Variants in UCP3 observed in about 807,000 individuals in gnomAD.
UCP3 encodes uncoupling protein 3.
Under a neutral mutation model 28.1 loss-of-function variants are expected in UCP3, and 24 were observed. That is an observed-to-expected ratio of 0.85 (90% CI 0.62 to 1.20). The LOEUF (loss-of-function observed/expected upper bound fraction) is 1.20, where lower values mean the gene tolerates loss of function less well. Among genes scored for constraint, UCP3 ranks in the 50% most tolerant of loss-of-function variants. The pLI, the probability that UCP3 is intolerant of heterozygous loss-of-function variation, is 0.00. For missense variants in UCP3, 397 were observed against 422.2 expected (o/e 0.94, Z 0.52); for synonymous variants, 184 against 171.2 (o/e 1.07, Z -0.59).
intron 6 of UCP3, chr11:74,003,562 C>T: frequency 8.4e-6 from 10 of 1,191,486 alleles, no homozygotes; most frequent in Non-Finnish European, 1.0e-5. Context: ...CAGGAGGTCT[C>T]AGGATTGCTA....
At chr11:74,008,379 T>C (rs1951682168) in intron 1 of UCP3, among the ~76,000 whole-genome samples, 1 of 152,082 alleles carries the variant, frequency 6.6e-6, no homozygotes, top group African/African-American at 2.4e-5. Context: ...CTGTGGTAGC[T>C]CTGAAGCAGG....
In UCP3 at chr11:74,000,496, A is replaced by C. The variant is rs1281712780; in HGVS notation, c.*916T>G. 1 of 152,152 alleles carries C rather than the reference A, an allele frequency of 6.6e-6. No individual in the cohort carries two copies. The allele number at this position is 152,152 out of a possible 1,614,324, so 9.4% of individuals were successfully genotyped here. A position where few individuals can be genotyped will look rare whatever the true frequency, so the allele number is the denominator to read the frequency against. On this transcript the variant is annotated 3_prime_UTR_variant, in exon 7 of 7. Transcript: ENST00000314032. ...GGGCTCCTGTGGCTTCACGTCATCC[A>C]CTGTCACCTCTGGTCCCCAAGTCTC... is the stretch of plus-strand genomic sequence containing the variant.
At chr11:74,003,718 A>G (rs1174788993) in intron 6 of UCP3, 109 bp downstream of exon 6, 1 of 1,499,660 alleles carries the variant, frequency 6.7e-7, no homozygotes, top group African/African-American at 1.4e-5. Context: ...TGGCATTTAC[A>G]TCTGTACTCT....
chr11:74,001,939 G>C (rs919609841), intron 6 of UCP3: 1 of 270,788 alleles, frequency 3.7e-6, no homozygotes, highest in Non-Finnish European at 7.2e-6. Flanking sequence ...TACACCCCGG[G>C]TGGCCAGCCC....
intron 6 of UCP3, among the ~76,000 whole-genome samples, chr11:74,002,587 A>G (rs965136626): frequency 6.6e-6 from 1 of 152,192 alleles, no homozygotes; most frequent in African/African-American, 2.4e-5. Flanking sequence ...AGGGCCCAGC[A>G]TCAATACATG....
At chr11:74,007,789 G>A (rs1417383742) in intron 1 of UCP3, among the ~76,000 whole-genome samples, 2 of 152,180 alleles carry the variant, frequency 1.3e-5, no homozygotes, top group Admixed American at 6.5e-5. Flanking sequence ...AGCTGCGGGA[G>A]GAGGGAAAGC....
intron 3 of UCP3, 89 bp from the exon 4 acceptor site, chr11:74,006,022 C>T (rs1951662528): frequency 6.4e-7 from 1 of 1,567,480 alleles, no homozygotes; most frequent in Admixed American, 1.9e-5. Context: ...CCTGCAGCTT[C>T]CTTGATGTCC....
chr11:74,002,406 A>G (rs1951628664), intron 6 of UCP3, among the ~76,000 whole-genome samples: 1 of 152,192 alleles, frequency 6.6e-6, no homozygotes, highest in Admixed American at 6.5e-5. Context: ...CTGGAGTCAG[A>G]CCTGGGTTCA....
At chr11:74,004,142 G>A in intron 5 of UCP3, 135 bp from the exon 6 acceptor site, 1 of 1,455,522 alleles carries the variant, frequency 6.9e-7, no homozygotes, top group Non-Finnish European at 9.3e-7. Context: ...CAGTGCCCTG[G>A]GCTAAGCTCT....
chr11:74,006,177 C>G lies in UCP3; in HGVS notation c.329G>C (p.Gly110Ala), dbSNP rs753470382. The G allele has an allele frequency of 7.4e-6, 12 of 1,614,162 alleles. No individual in the cohort carries two copies. Among genetic ancestry groups the G allele is most frequent in the Non-Finnish European group, 1.0e-5 (12 of 1,180,038 alleles). The change falls in exon 3 of 7, where the codon GGC (glycine) becomes GCC (alanine). Residue 110 changes from glycine (G) to alanine (A), a missense_variant. Transcript: ENST00000314032. ...DSVKQVYTPK[G>A]ADNSSLTTRI... ...GGGACCTGGTCACTCACTGTCCGCG[C>G]CTTTGGGGGTGTACACCTGCTTGAC...
chr11:74,005,779 G>A lies in UCP3; in HGVS notation c.492C>T (p.Asp164=), dbSNP rs374602264. 1.6e-5 allele frequency: 26 copies of A among 1,614,046 alleles called. No homozygotes were observed. Among genetic ancestry groups the A allele is most frequent in the Admixed American group, 1.7e-5 (1 of 60,010 alleles). Residue 164 remains aspartate, a synonymous_variant, in exon 4 of 7, where the codon GAC becomes GAT. Transcript: ENST00000314032. ...RSDRKYSGTM[D]AYRTIAREEG... is the part of the protein sequence containing the mutation. Reference sequence around the variant, plus strand: ...CCTCCCTGGCGATGGTTCTGTAGGCGTCCATAGTCCCGCTGTATTTTCTGT... The same window carrying A: ...CCTCCCTGGCGATGGTTCTGTAGGCATCCATAGTCCCGCTGTATTTTCTGT...
Position 74,003,883 on chromosome 11 carries a change from G to T in UCP3, c.768C>A (p.Pro256=). Residue 256 remains proline (P), a synonymous_variant, in exon 6 of 7, where the codon CCC becomes CCA. Coordinates refer to ENST00000314032, the MANE Select transcript of UCP3 (RefSeq NM_003356.4). ...MNSPPGQYFS[P]LDCMIKMVAQ... is the part of the protein sequence containing the mutation. ...CCACCATCTTTATCATACAGTCGAG[G>T]GGGCTGAAGTACTGGCCTGGAGGTG... 6.2e-7 allele frequency: 1 copy of T among 1,614,148 alleles called. No homozygotes were observed. The highest frequency in any genetic ancestry group is 1.1e-5 in the South Asian group (1 of 91,082).
intron 6 of UCP3, chr11:74,001,806 C>G: frequency 2.4e-6 from 1 of 409,222 alleles, no homozygotes; most frequent in Non-Finnish European, 4.5e-6. Flanking sequence ...CATGTTGCTG[C>G]CAGGCTCTTT....
intron 6 of UCP3, chr11:74,003,555 G>C: frequency 8.5e-7 from 1 of 1,172,546 alleles, no homozygotes; most frequent in Non-Finnish European, 1.1e-6. Context: ...GGAGGTCCAG[G>C]AGGTCTCAGG....
chr11:74,005,617 G>C, intron 4 of UCP3, 113 bp downstream of exon 4: 1 of 1,212,400 alleles, frequency 8.2e-7, no homozygotes, highest in Non-Finnish European at 1.2e-6. Context: ...TGTTCTTTCA[G>C]AATCACTGGA....
intron 5 of UCP3, 103 bp downstream of exon 5, chr11:74,004,381 C>T (rs997294569): frequency 9.4e-7 from 1 of 1,061,352 alleles, no homozygotes; most frequent in Non-Finnish European, 1.4e-6. Flanking sequence ...TCTCTCTCTG[C>T]TCCTTCTAAA....
In UCP3 at chr11:74,006,345, C is replaced by G. The variant is rs368703422; in HGVS notation, c.161G>C (p.Arg54Pro). The change falls in exon 3 of 7, where the codon CGG becomes CCG. Residue 54 changes from arginine (R) to proline (P), a missense_variant. Physicochemically the swap from Arg to Pro is moderately radical, Grantham distance 103. Transcript: ENST00000314032. ...QGENQAVQTA[R>P]LVQYRGVLGT... is the part of the protein sequence containing the mutation. ...CAGCACGCCACGGTACTGCACGAGC[C>G]GGGCCGTCTGGACCGCCTGGTTCTC... The G allele has an allele frequency of 3.1e-6, 5 of 1,589,630 alleles. No homozygotes were observed. The highest frequency in any genetic ancestry group is 1.3e-5 in the African/African-American group (1 of 74,636).
At chr11:74,002,038 G>T in intron 6 of UCP3, 1 of 184,512 alleles carries the variant, frequency 5.4e-6, no homozygotes, top group African/African-American at 2.4e-5. Flanking sequence ...CTCCAGAGAG[G>T]CTGGCTGTGC....
At position 74,004,502 on chromosome 11, in the gene UCP3, C is replaced by T. The variant is rs1429031006; in HGVS notation, c.625G>A (p.Asp209Asn). Reference sequence around the variant, plus strand: ...GCCTCACCAGTGAGCAGGTGGTAGTCCAGCAGCTTCTCCTTGAGGATGTCG... The same window carrying T: ...GCCTCACCAGTGAGCAGGTGGTAGTTCAGCAGCTTCTCCTTGAGGATGTCG... ...TYDILKEKLLDYHLLTDNFPC... is the reference protein window; with the variant it reads ...TYDILKEKLLNYHLLTDNFPC... Residue 209 changes from aspartate to asparagine, a missense_variant, in exon 5 of 7, where the codon GAC becomes AAC. Physicochemically the swap from Asp to Asn is conservative, Grantham distance 23. Coordinates refer to ENST00000314032, the MANE Select transcript of UCP3 (RefSeq NM_003356.4). The T allele has an allele frequency of 6.2e-7, 1 of 1,614,156 alleles. No homozygotes were observed. The highest frequency in any genetic ancestry group is 8.5e-7 in the Non-Finnish European group (1 of 1,180,008).
Sources: allele counts gnomAD v4.1 joint callset (sites outside exome capture counted in the v4.1 genomes callset), GRCh38; gene constraint gnomAD v4.1.1; transcripts MANE v1.5; gene names NCBI Gene and HGNC (gene_info 2026-07-23, HGNC 2026-07-21).